The following PDE1A variants were observed in gnomAD, a reference collection of about 807,000 sequenced individuals.
PDE1A encodes the protein phosphodiesterase 1A.
A neutral mutation model predicts 61.7 loss-of-function variants in PDE1A; 35 were observed. The observed-to-expected ratio is 0.57, with a 90% CI of 0.43 to 0.75. The LOEUF is 0.75. Ranked by LOEUF, PDE1A falls within the 30% of genes least tolerant of loss-of-function variation. The probability of loss-of-function intolerance (pLI) is 0.00; values close to 1 mark genes in which losing one functional copy is unlikely to be tolerated. For missense variants in PDE1A, 597 were observed against 630.6 expected (o/e 0.95, Z 0.57); for synonymous variants, 232 against 213.2 (o/e 1.09, Z -0.77).
the PDE1A span, among the ~76,000 whole-genome samples, chr2:182,681,159 T>TG: frequency 6.4e-4 from 94 of 147,966 alleles, no homozygotes; most frequent in East Asian, 3.9e-3. Flanking sequence ...TTTTTTTTGT[T>TG]TTTTTTTTTT....
chr2:182,499,187 T>TGTTTTC (rs1688936203), intron 2 of PDE1A, among the ~76,000 whole-genome samples: 1 of 106,038 alleles, frequency 9.4e-6, no homozygotes, highest in African/African-American at 6.0e-5. Context: ...TTTTTTTTTT[T>TGTTTTC]TTTTTTTGAG....
chr2:182,542,880 T>A, the PDE1A span, among the ~76,000 whole-genome samples: 162 of 152,352 alleles, frequency 1.1e-3, no homozygotes, highest in Middle Eastern at 3.4e-3. Flanking sequence ...AATAAGCATA[T>A]GTCTTCATGT....
chr2:182,679,127 C>T, the PDE1A span, among the ~76,000 whole-genome samples: 1 of 150,210 alleles, frequency 6.7e-6, no homozygotes, highest in Non-Finnish European at 1.5e-5. Flanking sequence ...GCCTCAGCCT[C>T]CTGAGTAGCT....
chr2:182,270,283 G>C (rs531367648), intron 1 of PDE1A, among the ~76,000 whole-genome samples: 1 of 152,288 alleles, frequency 6.6e-6, no homozygotes, highest in South Asian at 2.1e-4. Flanking sequence ...AGAGTACTGA[G>C]TTGTAGAAAA....
At chr2:182,271,950 T>C (rs900068148) in intron 1 of PDE1A, among the ~76,000 whole-genome samples, 4 of 151,988 alleles carry the variant, frequency 2.6e-5, no homozygotes, top group African/African-American at 7.2e-5. Context: ...ACTTTTTAAA[T>C]GGAATAAATG....
chr2:182,558,082 G>C, the PDE1A span, among the ~76,000 whole-genome samples: 1 of 152,106 alleles, frequency 6.6e-6, no homozygotes, highest in Non-Finnish European at 1.5e-5. Context: ...ATAACAGTTT[G>C]AGTTGAAAAT....
At position 182,191,845 on chromosome 2, in the gene PDE1A, T is replaced by G. The variant is rs1466393293; in HGVS notation, c.1126-2785A>C. 2.6e-5 allele frequency among the ~76,000 whole-genome samples: 3 copies of G among 116,372 alleles called. No individual in the cohort carries two copies. The East Asian group carries it at 9.1e-4, about 35-fold the overall frequency. 76.3% of individuals were successfully genotyped at this position (116,372 alleles called of 152,430 possible). A position where few individuals can be genotyped will look rare whatever the true frequency, so the allele number is the denominator to read the frequency against. ...AGAAAGGCATTATGATGATTTACTTTCTTTTTTTTTTTATTTTTTTATTTT... is the reference window on the plus strand; with the variant it reads ...AGAAAGGCATTATGATGATTTACTTGCTTTTTTTTTTTATTTTTTTATTTT... On this transcript the variant is annotated intron_variant, in intron 10 of 13. Transcript: ENST00000351439.
rs917224590 is a variant in PDE1A at position 182,453,534 on chromosome 2, C to A, written c.101+68742G>T. ...AAATCCTCAATAAAATACTGGCAAA[C>A]CGAATCCAGCAGCACATCAAAAAGC... On this transcript the variant is annotated intron_variant, in intron 2 of 14. Coordinates refer to the PDE1A transcript ENST00000410103. Among the ~76,000 whole-genome samples, 13 of 151,988 alleles carry A rather than the reference C, an allele frequency of 8.6e-5. 1 individual carries two copies. The highest frequency in any genetic ancestry group is 5.2e-4 in the Admixed American group (8 of 15,250).
At chr2:182,331,842 C>G (rs940240292) in intron 1 of PDE1A, among the ~76,000 whole-genome samples, 1 of 152,112 alleles carries the variant, frequency 6.6e-6, no homozygotes, top group African/African-American at 2.4e-5. Flanking sequence ...TTGCTCTTCT[C>G]AAGTAGTATG....
At chr2:182,627,203 T>C in the PDE1A span, among the ~76,000 whole-genome samples, 125 of 80,974 alleles carry the variant, frequency 1.5e-3, 27 homozygotes, top group South Asian at 2.3e-3. Context: ...ATTATATTAT[T>C]TATATATAAA....
intron 1 of PDE1A, among the ~76,000 whole-genome samples, chr2:182,409,787 A>G (rs1365672087): frequency 6.6e-6 from 1 of 152,184 alleles, no homozygotes; most frequent in Non-Finnish European, 1.5e-5. Flanking sequence ...CATTACAATT[A>G]TATGTACCAT....
chr2:182,439,837 G>C (rs1374263087), intron 2 of PDE1A, among the ~76,000 whole-genome samples: 1 of 152,062 alleles, frequency 6.6e-6, no homozygotes, highest in Admixed American at 6.6e-5. Flanking sequence ...CACAGAAAAA[G>C]TACATATGGC....
intron 2 of PDE1A, among the ~76,000 whole-genome samples, chr2:182,504,832 C>A (rs1168279014): frequency 6.6e-6 from 1 of 152,146 alleles, no homozygotes; most frequent in Non-Finnish European, 1.5e-5. Context: ...TCATCACACA[C>A]CTTGGACTTG....
At chr2:182,680,492 G>A in the PDE1A span, among the ~76,000 whole-genome samples, 1 of 152,150 alleles carries the variant, frequency 6.6e-6, no homozygotes, top group East Asian at 1.9e-4. Flanking sequence ...TTAATAAAAA[G>A]CATAGCATAG....
intron 2 of PDE1A, among the ~76,000 whole-genome samples, chr2:182,465,530 T>A (rs1686602047): frequency 1.3e-5 from 2 of 152,110 alleles, no homozygotes; most frequent in African/African-American, 4.8e-5. Flanking sequence ...AATAAGATAC[T>A]CTTTGGTTTA....
At chr2:182,186,070 G>A in exon 13 of PDE1A, 2 of 1,613,656 alleles carry the variant, frequency 1.2e-6, no homozygotes, top group Non-Finnish European at 1.7e-6. Context: ...ACCCCACAAT[G>A]GTGGTTGAGC....
At chr2:182,153,907 T>C (rs920514546) in intron 13 of PDE1A, among the ~76,000 whole-genome samples, 1 of 152,202 alleles carries the variant, frequency 6.6e-6, no homozygotes, top group African/African-American at 2.4e-5. Context: ...ATGGGTATAA[T>C]GTACACTATT....
the PDE1A span, among the ~76,000 whole-genome samples, chr2:182,709,170 T>TA: frequency 1.8e-4 from 27 of 149,406 alleles, no homozygotes; most frequent in East Asian, 2.2e-3. Context: ...TTCTTTTTCT[T>TA]AAAAAAAAAA....
intron 10 of PDE1A, among the ~76,000 whole-genome samples, chr2:182,199,507 T>C (rs1686426817): frequency 6.6e-6 from 1 of 152,070 alleles, no homozygotes; most frequent in African/African-American, 2.4e-5. Flanking sequence ...ATATTATGTT[T>C]TCAAAATCAT....
Sources: gnomAD v4.1 joint callset for allele counts (sites outside exome capture counted in the v4.1 genomes callset) on GRCh38, gnomAD v4.1.1 for gene constraint, MANE v1.5 for transcripts, NCBI Gene and HGNC (gene_info 2026-07-23, HGNC 2026-07-21) for gene names.